Variants in UNC93A observed in about 807,000 individuals in gnomAD.
The protein encoded by UNC93A is unc-93 homolog A.
Under a neutral mutation model 47.5 loss-of-function variants are expected in UNC93A, and 43 were observed. The observed-to-expected ratio is 0.91, with a 90% confidence interval of 0.71 to 1.17. The LOEUF (loss-of-function observed/expected upper bound fraction) is 1.17, where lower values mean the gene tolerates loss of function less well. Among genes scored for constraint, UNC93A ranks in the 50% most tolerant of loss-of-function variants. UNC93A has a pLI of 0.00. For missense variants in UNC93A, 605 were observed against 577.6 expected (o/e 1.05, Z -0.49); for synonymous variants, 280 against 258.0 (o/e 1.09, Z -0.82).
At chr6:167,287,938 G>T (rs140784868), upstream of UNC93A, among the ~76,000 whole-genome samples, 114 of 152,272 alleles carry the variant, frequency 7.5e-4, 1 homozygote, top group East Asian at 0.02. Context: ...GCAAAATGAG[G>T]GTGCCTTAGC....
intron 4 of UNC93A, among the ~76,000 whole-genome samples, chr6:167,301,383 G>A (rs1295483780): frequency 2.0e-5 from 3 of 152,222 alleles, no homozygotes; most frequent in Non-Finnish European, 4.4e-5. Flanking sequence ...GCAGGATCCT[G>A]TGTGTGTCCT....
Position 167,293,017 on chromosome 6 carries a change from AAGGGGGCTGG to A in UNC93A, c.87+1452_87+1461del, listed in dbSNP as rs374196993. ...GGCCTCTGGACTTGGAAGCCAGAGG[AAGGGGGCTGG>A]AGGGGGCTGGGAGCTGCCAGGGGTC... is the stretch of plus-strand genomic sequence containing the variant. On this transcript the variant is annotated intron_variant, in intron 1 of 7. Transcript: ENST00000230256. Among the ~76,000 whole-genome samples the A allele has an allele frequency of 3.6e-4, 55 of 152,260 alleles. 1 individual carries two copies. The East Asian group carries it at 5.4e-3, about 15-fold the overall frequency.
rs1473885862 is a variant in UNC93A, at chr6:167,291,397, G to C, written c.-93G>C. The C allele has an allele frequency of 9.3e-7, 1 of 1,075,050 alleles. No individual in the cohort carries two copies. Among genetic ancestry groups the C allele is most frequent in the Non-Finnish European group, 1.4e-6 (1 of 717,796 alleles). 66.6% of individuals were successfully genotyped at this position (1,075,050 alleles called of 1,614,324 possible). Reference sequence around the variant, plus strand: ...GATGAGAGAGAGAATGGGACTTCTTGGTACTGATTGTTTTTCCCATGCCTC... The same window carrying C: ...GATGAGAGAGAGAATGGGACTTCTTCGTACTGATTGTTTTTCCCATGCCTC... On this transcript the variant is annotated 5_prime_UTR_variant, in exon 1 of 8. Transcript: ENST00000230256.
chr6:167,276,562 T>C (rs889749982), intron 1 of UNC93A, among the ~76,000 whole-genome samples: 4 of 152,142 alleles, frequency 2.6e-5, no homozygotes, highest in African/African-American at 9.7e-5. Flanking sequence ...GGTGACCTGC[T>C]CGAGGACACA....
At chr6:167,294,746 G>T in intron 2 of UNC93A, 48 bp downstream of exon 2, 1 of 1,404,174 alleles carries the variant, frequency 7.1e-7, no homozygotes, top group Non-Finnish European at 9.5e-7. Context: ...CGTTCCCCAC[G>T]CTAGGGACGT....
intron 4 of UNC93A, among the ~76,000 whole-genome samples, chr6:167,299,010 CG>C: frequency 1.3e-5 from 2 of 150,788 alleles, no homozygotes; most frequent in South Asian, 2.1e-4. Context: ...CCCAGCTACT[CG>C]GGGGGCTGAG....
rs781678226 is a variant in UNC93A at position 167,315,363 on chromosome 6, G to C, written c.1285G>C (p.Glu429Gln). 7 of 1,613,968 alleles carry C rather than the reference G, an allele frequency of 4.3e-6. No individual in the cohort carries two copies. The highest frequency in any genetic ancestry group is 3.3e-5 in the Admixed American group (2 of 60,020). ...GACCATGGTGGCGTATGGGCTTGTG[G>C]AGTGCGTGGAGTCCAAGAACCCGAT... ...SLTMVAYGLVECVESKNPIRP... is the reference protein window; with the variant it reads ...SLTMVAYGLVQCVESKNPIRP... Residue 429 changes from glutamate to glutamine, a missense_variant, in exon 8 of 8, where the codon GAG (glutamate) becomes CAG (glutamine). Glu to Gln is a conservative substitution (Grantham distance 29). Transcript: ENST00000230256.
intron 5 of UNC93A, among the ~76,000 whole-genome samples, chr6:167,305,154 A>G (rs990386490): frequency 1.7e-4 from 26 of 152,204 alleles, no homozygotes; most frequent in Admixed American, 1.3e-4. Context: ...AAAGCACCTC[A>G]GCAGGTAGAA....
chr6:167,315,014 A>T (rs973640774), intron 7 of UNC93A, among the ~76,000 whole-genome samples, 173 bp from the exon 8 acceptor site: 1 of 152,174 alleles, frequency 6.6e-6, no homozygotes, highest in African/African-American at 2.4e-5. Flanking sequence ...GACCTGCCTC[A>T]GGTTTTCGGG....
intron 1 of UNC93A, among the ~76,000 whole-genome samples, chr6:167,281,155 A>C (rs1407406876): frequency 6.6e-6 from 1 of 151,056 alleles, no homozygotes; most frequent in African/African-American, 2.4e-5. Flanking sequence ...CACTGAGAGG[A>C]GCCTCGGTAG....
At chr6:167,313,224 G>A (rs1458796488) in intron 7 of UNC93A, among the ~76,000 whole-genome samples, 1 of 152,132 alleles carries the variant, frequency 6.6e-6, no homozygotes, top group African/African-American at 2.4e-5. Context: ...CCATGCTGGG[G>A]AACCTACTGT....
At position 167,294,663 on chromosome 6, in the gene UNC93A, C is replaced by T. The variant is rs752923109; in HGVS notation, c.234C>T (p.Tyr78=). 1.0e-5 allele frequency: 16 copies of T among 1,605,814 alleles called. No homozygotes were observed. Among genetic ancestry groups the T allele is most frequent in the Admixed American group, 3.3e-5 (2 of 59,740 alleles). ...KGTIILSMCG[Y]VAFSVGNFFA... is the part of the protein sequence containing the mutation. The stretch of plus-strand genomic sequence containing the variant: ...CCATCATCCTCTCCATGTGTGGCTA[C>T]GTGGCCTTCTCCGTGGGCAACTTCT... The change falls in exon 2 of 8, where the codon TAC becomes TAT. Residue 78 remains tyrosine (Y), a synonymous_variant. Coordinates refer to ENST00000230256, the MANE Select transcript of UNC93A (RefSeq NM_018974.4).
intron 4 of UNC93A, among the ~76,000 whole-genome samples, chr6:167,299,136 A>AATC (rs3046653): frequency 8.9e-6 from 1 of 112,904 alleles, no homozygotes; most frequent in Non-Finnish European, 1.7e-5. Context: ...AAAAATACAC[A>AATC]CACACACACA....
chr6:167,273,768 G>T (rs1249260612), intron 1 of UNC93A, among the ~76,000 whole-genome samples: 5 of 151,994 alleles, frequency 3.3e-5, no homozygotes, highest in African/African-American at 1.2e-4. Context: ...CCAGATCACA[G>T]GCAGATTCAC....
Position 167,294,585 on chromosome 6 carries a change from G to C in UNC93A, c.156G>C (p.Leu52=). 6.2e-7 allele frequency: 1 copy of C among 1,613,984 alleles called. No individual in the cohort carries two copies. Among genetic ancestry groups the C allele is most frequent in the Non-Finnish European group, 8.5e-7 (1 of 1,179,958 alleles). The part of the protein sequence containing the change: ...ALSTLYGGML[L]SSMFLPPLLI... ...GCACCCTCTATGGAGGCATGCTCCT[G>C]TCCTCCATGTTCCTCCCACCGCTCC... The change falls in exon 2 of 8, where the codon CTG becomes CTC. Residue 52 remains leucine, a synonymous_variant. Transcript: ENST00000230256.
chr6:167,287,842 C>G (rs1038612344), upstream of UNC93A, among the ~76,000 whole-genome samples: 1 of 152,170 alleles, frequency 6.6e-6, no homozygotes, highest in Admixed American at 6.5e-5. Context: ...ATTCTCCGCA[C>G]TCGGGCTCAC....
chr6:167,306,377 A>G (rs1036631746), intron 6 of UNC93A, among the ~76,000 whole-genome samples: 2 of 152,136 alleles, frequency 1.3e-5, no homozygotes, highest in African/African-American at 4.8e-5. Flanking sequence ...AGGGACACGA[A>G]GCCAGTGGTG....
intron 7 of UNC93A, among the ~76,000 whole-genome samples, chr6:167,310,759 T>C (rs1199365572): frequency 2.0e-5 from 3 of 152,122 alleles, no homozygotes; most frequent in Non-Finnish European, 4.4e-5. Context: ...CACATGCCTG[T>C]AGTCTCAGCT....
At chr6:167,270,470 C>T (rs773837317), upstream of UNC93A, among the ~76,000 whole-genome samples, 5 of 151,906 alleles carry the variant, frequency 3.3e-5, no homozygotes, top group African/African-American at 7.3e-5. Context: ...GGCCCCATCA[C>T]GAAGGACATG....
Sources: gnomAD v4.1 joint callset for allele counts (sites outside exome capture counted in the v4.1 genomes callset) on GRCh38, gnomAD v4.1.1 for gene constraint, MANE v1.5 for transcripts, NCBI Gene and HGNC (gene_info 2026-07-23, HGNC 2026-07-21) for gene names.